The following HSP90B1 variants were observed in gnomAD, a reference collection of about 807,000 sequenced individuals.
HSP90B1 encodes the protein endoplasmin.
A neutral mutation model predicts 100.4 loss-of-function variants in HSP90B1; 27 were observed. That is an observed-to-expected ratio of 0.27 (90% confidence interval 0.20 to 0.37). The LOEUF (loss-of-function observed/expected upper bound fraction) is 0.37, where lower values mean the gene tolerates loss of function less well. Ranked by LOEUF, HSP90B1 falls within the 10% of genes least tolerant of loss-of-function variation. HSP90B1 has a pLI of 1.00. For synonymous variants in HSP90B1, 304 were observed against 330.8 expected (o/e 0.92, Z 0.88); for missense variants, 678 against 960.5 (o/e 0.71, Z 3.89).
At chr12:103,937,830 T>G (rs1407562976) in intron 6 of HSP90B1, 24 bp downstream of exon 6, 2 of 1,129,064 alleles carry the variant, frequency 1.8e-6, no homozygotes, top group South Asian at 1.3e-5. Context: ...GATTAAAAAC[T>G]TATATGTATT....
At chr12:103,933,224 C>T (rs762191261) in intron 4 of HSP90B1, among the ~76,000 whole-genome samples, 4 of 152,248 alleles carry the variant, frequency 2.6e-5, no homozygotes, top group Non-Finnish European at 5.9e-5. Flanking sequence ...TCTCCCAAAG[C>T]CTAAAATATT....
intron 16 of HSP90B1, 60 bp from the exon 17 acceptor site, chr12:103,947,251 T>C (rs1870262726): frequency 3.3e-6 from 5 of 1,523,856 alleles, no homozygotes; most frequent in Non-Finnish European, 4.4e-6. Context: ...TTTATACATA[T>C]AAATGAGCAA....
intron 8 of HSP90B1, among the ~76,000 whole-genome samples, chr12:103,940,217 G>A (rs933421316): frequency 6.6e-6 from 1 of 152,152 alleles, no homozygotes; most frequent in African/African-American, 2.4e-5. Context: ...CGTAAAACAT[G>A]AAATCATGTT....
rs1003043937 is a variant in HSP90B1 at position 103,947,352 on chromosome 12, A to G, written c.2304A>G (p.Glu768=). The part of the protein sequence containing the change: ...EPEEEPEETA[E]DTTEDTEQDE... Reference sequence around the variant, plus strand: ...AAGAAGAACCTGAAGAGACAGCAGAAGACACAACAGAAGACACAGAGCAAG... The same window carrying G: ...AAGAAGAACCTGAAGAGACAGCAGAGGACACAACAGAAGACACAGAGCAAG... The change falls in exon 17 of 18, where the codon GAA becomes GAG. Residue 768 remains glutamate (E), a synonymous_variant. Transcript: ENST00000299767. The G allele has an allele frequency of 1.2e-6, 2 of 1,606,298 alleles. No individual in the cohort carries two copies. Among genetic ancestry groups the G allele is most frequent in the Admixed American group, 1.7e-5 (1 of 59,570 alleles).
chr12:103,937,722 T>C lies in HSP90B1; in HGVS notation c.771T>C (p.Asp257=), dbSNP rs756682740. 1 of 1,595,044 alleles carries C rather than the reference T, an allele frequency of 6.3e-7. No homozygotes were observed. The highest frequency in any genetic ancestry group is 8.6e-7 in the Non-Finnish European group (1 of 1,164,116). Residue 257 remains aspartate (D), a synonymous_variant, in exon 6 of 18, where the codon GAT becomes GAC. Transcript: ENST00000299767. The part of the protein sequence containing the change: ...ITLVLKEEAS[D]YLELDTIKNL... ...TTGTCTTAAAAGAAGAAGCATCTGA[T>C]TACCTTGAATTGGATACAATTAAAA...
intron 11 of HSP90B1, among the ~76,000 whole-genome samples, chr12:103,942,216 A>C (rs2136216427): frequency 6.6e-6 from 1 of 152,146 alleles, no homozygotes; most frequent in East Asian, 1.9e-4. Context: ...TAATTAGAAG[A>C]CTCTTTAGTT....
chr12:103,947,458 A>G (rs1317068078), intron 17 of HSP90B1, 28 bp downstream of exon 17: 2 of 1,613,996 alleles, frequency 1.2e-6, no homozygotes, highest in Non-Finnish European at 1.7e-6. Context: ...TGTGACTTGC[A>G]TTTTCAGTTC....
In HSP90B1 at chr12:103,941,326, T is replaced by C. The variant is rs578152816; in HGVS notation, c.1093-84T>C. The stretch of plus-strand genomic sequence containing the variant: ...TTTGTTAGTTAATTGCTAAACTGAA[T>C]ATGTACCACATAGTACATTGCTTAG... On this transcript the variant is annotated intron_variant, in intron 8 of 17. Transcript: ENST00000299767. 2.6e-5 allele frequency: 35 copies of C among 1,367,472 alleles called. No homozygotes were observed. In the African/African-American group the frequency reaches 4.7e-4, roughly 18 times the overall value. 84.7% of individuals were successfully genotyped at this position (1,367,472 alleles called of 1,614,324 possible).
Position 103,934,057 on chromosome 12 carries a change from A to G in HSP90B1, c.513A>G (p.Thr171=), listed in dbSNP as rs766103661. 6.2e-6 allele frequency: 10 copies of G among 1,614,240 alleles called. No homozygotes were observed. In the East Asian group the frequency reaches 2.2e-4, roughly 36 times the overall value. Residue 171 remains threonine (T), a synonymous_variant, in exon 5 of 18, where the codon ACA becomes ACG. Transcript: ENST00000299767. The part of the protein sequence containing the change: ...KNLGTIAKSG[T]SEFLNKMTEA... Reference sequence around the variant, plus strand: ...TTGGTACCATAGCCAAATCTGGGACAAGCGAGTTTTTAAACAAAATGACTG... The same window carrying G: ...TTGGTACCATAGCCAAATCTGGGACGAGCGAGTTTTTAAACAAAATGACTG...
Position 103,930,418 on chromosome 12 carries a change from G to C in HSP90B1, c.-98G>C, listed in dbSNP as rs750518541. On this transcript the variant is annotated 5_prime_UTR_variant, in exon 1 of 18. Coordinates refer to ENST00000299767, the MANE Select transcript of HSP90B1 (RefSeq NM_003299.3). This position sits in a 1 kb window ranked among gnomAD's most constrained non-coding sequence, Gnocchi z 4.4. ...CGACCTGCTTGCGGTGTAGTGGGCG[G>C]ACCGCGCGGCTGGAGGTGTGAGGAT... 1.9e-5 allele frequency: 22 copies of C among 1,138,634 alleles called. No homozygotes were observed. The South Asian group carries it at 3.5e-4, about 18-fold the overall frequency. The allele number at this position is 1,138,634 out of a possible 1,614,324, so 70.5% of individuals were successfully genotyped here.
At chr12:103,933,919 A>T in intron 4 of HSP90B1, 37 bp from the exon 5 acceptor site, 1 of 1,531,386 alleles carries the variant, frequency 6.5e-7, no homozygotes, top group Non-Finnish European at 9.0e-7. Context: ...TAATGTAAAT[A>T]TTAAATACAA....
intron 14 of HSP90B1, among the ~76,000 whole-genome samples, chr12:103,945,397 C>T (rs1475694108): frequency 6.6e-6 from 1 of 152,152 alleles, no homozygotes; most frequent in Non-Finnish European, 1.5e-5. Flanking sequence ...GATGTGGTTC[C>T]TCCCTGTCCT....
intron 8 of HSP90B1, among the ~76,000 whole-genome samples, chr12:103,940,081 AT>A (rs1004157239): frequency 6.6e-6 from 1 of 152,212 alleles, no homozygotes; most frequent in African/African-American, 2.4e-5. Flanking sequence ...GTAATATGTG[AT>A]TTTTTTAAAA....
intron 5 of HSP90B1, 30 bp from the exon 6 acceptor site, chr12:103,937,665 G>T (rs1365898692): frequency 1.9e-6 from 2 of 1,031,082 alleles, no homozygotes; most frequent in Admixed American, 3.5e-5. Context: ...TAAATGTTAG[G>T]TGTCTCTAAA....
Position 103,943,783 on chromosome 12 carries a change from G to A in HSP90B1, c.1936G>A (p.Ala646Thr). Residue 646 changes from alanine to threonine, a missense_variant, in exon 14 of 18, where the codon GCT (alanine) becomes ACT (threonine). Transcript: ENST00000299767. This position sits in a 1 kb window ranked among gnomAD's most constrained non-coding sequence, Gnocchi z 5.3. ...TCAGCGCCTGACAGAATCTCCGTGT[G>A]CTTTGGTGGCCAGCCAGTACGGATG... ...VSQRLTESPC[A>T]LVASQYGWSG... 3 of 1,614,140 alleles carry A rather than the reference G, an allele frequency of 1.9e-6. No individual in the cohort carries two copies. Among genetic ancestry groups the A allele is most frequent in the Non-Finnish European group, 2.5e-6 (3 of 1,180,008 alleles).
Position 103,930,454 on chromosome 12 carries a change from G to A in HSP90B1, c.-62G>A, listed in dbSNP as rs778318247. 4.1e-5 allele frequency: 48 copies of A among 1,159,874 alleles called. 1 individual carries two copies. The highest frequency in any genetic ancestry group is 1.8e-4 in the Admixed American group (6 of 32,770). 71.8% of individuals were successfully genotyped at this position (1,159,874 alleles called of 1,614,324 possible). A position where few individuals can be genotyped will look rare whatever the true frequency, so the allele number is the denominator to read the frequency against. ...TGGAGGTGTGAGGATCCGAACCCAG[G>A]GGTGGGGGGTGGAGGCGGCTCCTGC... On this transcript the variant is annotated 5_prime_UTR_variant, in exon 1 of 18. Transcript: ENST00000299767. The surrounding 1 kb of genome is among the most constrained non-coding windows in gnomAD (Gnocchi z 4.4).
Position 103,941,635 on chromosome 12 carries a change from G to A in HSP90B1, c.1237G>A (p.Val413Met), listed in dbSNP as rs1283442344. The A allele has an allele frequency of 6.2e-7, 1 of 1,613,954 alleles. No homozygotes were observed. Among genetic ancestry groups the A allele is most frequent in the Non-Finnish European group, 8.5e-7 (1 of 1,179,996 alleles). ...TTTTTTTTGGTCTCTTTAGCTCTATGTGCGCCGTGTATTCATCACAGACGA... is the reference window on the plus strand; with the variant it reads ...TTTTTTTTGGTCTCTTTAGCTCTATATGCGCCGTGTATTCATCACAGACGA... ...SKKSDYIKLY[V>M]RRVFITDDFH... Residue 413 changes from valine to methionine, a missense_variant, in exon 10 of 18, where the codon GTG becomes ATG. Coordinates refer to ENST00000299767, the MANE Select transcript of HSP90B1 (RefSeq NM_003299.3).
intron 14 of HSP90B1, 136 bp from the exon 15 acceptor site, chr12:103,946,482 G>A (rs1593493339): frequency 3.1e-6 from 2 of 648,004 alleles, no homozygotes; most frequent in Non-Finnish European, 5.3e-6. Flanking sequence ...AACCTGTGGT[G>A]TTCAAGTGTC....
At chr12:103,932,533 T>G (rs970157118) in intron 3 of HSP90B1, 115 bp downstream of exon 3, 35 of 837,398 alleles carry the variant, frequency 4.2e-5, no homozygotes, top group Non-Finnish European at 6.2e-5. Flanking sequence ...GGTAACAACC[T>G]TTAAATACCT....
Sources: allele counts gnomAD v4.1 joint callset (sites outside exome capture counted in the v4.1 genomes callset), GRCh38; gene constraint gnomAD v4.1.1; non-coding constraint Gnocchi (gnomAD v3.1); transcripts MANE v1.5; gene names NCBI Gene and HGNC (gene_info 2026-07-23, HGNC 2026-07-21).